CSGALNACT1: variants seen among roughly 807,000 people sequenced by gnomAD.
CSGALNACT1 encodes beta4GalNAcT-1.
In CSGALNACT1, 52 loss-of-function variants were observed where a neutral mutation model predicts 51.0. That is an observed-to-expected ratio of 1.02 (90% CI 0.82 to 1.29). The LOEUF is 1.29. Ranked by LOEUF, CSGALNACT1 falls within the 50% of genes most tolerant of loss-of-function variation. CSGALNACT1 has a pLI of 0.00. For synonymous variants in CSGALNACT1, 341 were observed against 254.4 expected (o/e 1.34, Z -3.24); for missense variants, 935 against 679.2 (o/e 1.38, Z -4.19).
At chr8:19,570,457 C>T (rs2042777928) in intron 3 of CSGALNACT1, among the ~76,000 whole-genome samples, 1 of 152,090 alleles carries the variant, frequency 6.6e-6, no homozygotes, top group African/African-American at 2.4e-5. Context: ...TCATTAACAC[C>T]TAAAAGGAGC....
At chr8:19,505,320 A>G (rs1196335687) in exon 4 of CSGALNACT1, 2 of 1,614,078 alleles carry the variant, frequency 1.2e-6, no homozygotes, top group South Asian at 2.2e-5. Flanking sequence ...GTCCTTCCTC[A>G]CAGGCTTCTC....
chr8:19,614,151 G>T (rs1239771880), intron 1 of CSGALNACT1, among the ~76,000 whole-genome samples: 2 of 152,076 alleles, frequency 1.3e-5, no homozygotes, highest in Admixed American at 6.5e-5. Flanking sequence ...TTAAAAACGT[G>T]TATTGATCAC....
At chr8:19,666,772 A>C (rs73214692) in intron 1 of CSGALNACT1, among the ~76,000 whole-genome samples, 34,342 of 60,226 alleles carry the variant, frequency 0.57, 6,972 homozygotes, top group Middle Eastern at 0.62. Flanking sequence ...AGAAAGAAAG[A>C]AAGAAAGAAA....
intron 1 of CSGALNACT1, among the ~76,000 whole-genome samples, chr8:19,651,157 G>C (rs2057767791): frequency 6.6e-6 from 1 of 152,156 alleles, no homozygotes; most frequent in African/African-American, 2.4e-5. Context: ...ACTAGCCATA[G>C]ATCATGTTCC....
intron 1 of CSGALNACT1, among the ~76,000 whole-genome samples, chr8:19,722,912 G>A (rs1055733203): frequency 3.3e-5 from 5 of 152,188 alleles, no homozygotes; most frequent in Non-Finnish European, 5.9e-5. Flanking sequence ...CAAGTACAAC[G>A]ATTTCCCAAA....
chr8:19,623,556 T>A (rs1032847869), intron 1 of CSGALNACT1, among the ~76,000 whole-genome samples: 1 of 152,194 alleles, frequency 6.6e-6, no homozygotes, highest in South Asian at 2.1e-4. Context: ...CAAGAGTAAA[T>A]AGAATGTTTA....
At chr8:19,739,601 G>A (rs2064186261) in intron 1 of CSGALNACT1, among the ~76,000 whole-genome samples, 1 of 152,302 alleles carries the variant, frequency 6.6e-6, no homozygotes, top group Middle Eastern at 3.4e-3. Context: ...AAGCAAAAAT[G>A]TTAGGTGGGG....
intron 3 of CSGALNACT1, among the ~76,000 whole-genome samples, chr8:19,540,155 G>A (rs1357273360): frequency 1.3e-5 from 2 of 152,170 alleles, no homozygotes; most frequent in African/African-American, 4.8e-5. Context: ...CAATACCCCA[G>A]TGCTTCATAT....
intron 4 of CSGALNACT1, among the ~76,000 whole-genome samples, chr8:19,464,955 G>C: frequency 6.6e-6 from 1 of 152,108 alleles, no homozygotes; most frequent in Non-Finnish European, 1.5e-5. Context: ...GTTAAACATA[G>C]AAATACCATA....
chr8:19,577,298 C>T (rs546575493), intron 3 of CSGALNACT1, among the ~76,000 whole-genome samples: 1 of 151,844 alleles, frequency 6.6e-6, no homozygotes, highest in South Asian at 2.1e-4. Flanking sequence ...CATAGTGGCT[C>T]AGGCCTGTAA....
intron 6 of CSGALNACT1, among the ~76,000 whole-genome samples, chr8:19,429,006 A>G (rs1399879038): frequency 6.6e-6 from 1 of 152,110 alleles, no homozygotes; most frequent in Non-Finnish European, 1.5e-5. Flanking sequence ...CTTTCTAGTT[A>G]CAAAATGTTT....
intron 8 of CSGALNACT1, among the ~76,000 whole-genome samples, chr8:19,416,271 T>C (rs778615358): frequency 2.0e-5 from 3 of 152,016 alleles, no homozygotes; most frequent in Non-Finnish European, 4.4e-5. Context: ...CATACCACCA[T>C]GCCCAGCTAA....
intron 1 of CSGALNACT1, among the ~76,000 whole-genome samples, chr8:19,699,442 A>G (rs1224694408): frequency 6.6e-6 from 1 of 152,252 alleles, no homozygotes; most frequent in Non-Finnish European, 1.5e-5. Flanking sequence ...ATGAAGTGGA[A>G]TATTACTCAG....
chr8:19,684,253 A>C (rs1206049673), upstream of CSGALNACT1, among the ~76,000 whole-genome samples: 2 of 152,188 alleles, frequency 1.3e-5, no homozygotes, highest in African/African-American at 4.8e-5. Flanking sequence ...GAAAATCCTG[A>C]AACAGATCTA....
intron 4 of CSGALNACT1, among the ~76,000 whole-genome samples, chr8:19,483,026 T>C (rs1263219032): frequency 6.6e-6 from 1 of 152,316 alleles, no homozygotes; most frequent in Non-Finnish European, 1.5e-5. Context: ...GACATTCACA[T>C]AGATGTTTAC....
At chr8:19,630,925 G>A (rs534140281) in intron 1 of CSGALNACT1, among the ~76,000 whole-genome samples, 2 of 151,938 alleles carry the variant, frequency 1.3e-5, no homozygotes, top group African/African-American at 4.8e-5. Flanking sequence ...TCTTGTATCC[G>A]TTTGGTACAT....
At chr8:19,450,691 A>G (rs1340912477) in intron 5 of CSGALNACT1, among the ~76,000 whole-genome samples, 3 of 152,104 alleles carry the variant, frequency 2.0e-5, no homozygotes, top group Non-Finnish European at 4.4e-5. Context: ...ATCTTTACAG[A>G]TGATCACTTG....
intron 1 of CSGALNACT1, among the ~76,000 whole-genome samples, chr8:19,678,010 G>T (rs935984034): frequency 6.6e-5 from 10 of 152,038 alleles, no homozygotes; most frequent in African/African-American, 2.4e-4. Context: ...CAGCTACTTG[G>T]GAGGCTGACA....
intron 5 of CSGALNACT1, among the ~76,000 whole-genome samples, chr8:19,443,291 T>G (rs1183530365): frequency 6.6e-6 from 1 of 152,222 alleles, no homozygotes; most frequent in Non-Finnish European, 1.5e-5. Flanking sequence ...TGTAAATGTA[T>G]GTATGTGTAG....
Sources: allele counts gnomAD v4.1 joint callset (sites outside exome capture counted in the v4.1 genomes callset), GRCh38; gene constraint gnomAD v4.1.1; transcripts MANE v1.5; gene names NCBI Gene and HGNC (gene_info 2026-07-23, HGNC 2026-07-21).